Variants in ZFP14 observed in about 807,000 individuals in gnomAD.
The protein encoded by ZFP14 is ZFP14 zinc finger protein, also known as zinc finger protein 14 homolog.
In ZFP14, 22 loss-of-function variants were observed where a neutral mutation model predicts 54.5. The ratio of observed to expected loss-of-function variants is 0.40; its 90% CI spans 0.29 to 0.58. The LOEUF is 0.58. Among genes scored for constraint, ZFP14 ranks in the 20% least tolerant of loss-of-function variants. ZFP14 has a pLI of 0.39. For synonymous variants in ZFP14, 159 were observed against 204.0 expected, an observed-to-expected ratio of 0.78 and a Z score of 1.88; for missense variants, 470 against 637.8, an observed-to-expected ratio of 0.74 and a Z score of 2.83.
intron 2 of ZFP14, 21 bp downstream of exon 2, chr19:36,367,863 G>T (rs1361218762): frequency 1.2e-6 from 2 of 1,610,492 alleles, no homozygotes; most frequent in Non-Finnish European, 1.7e-6. Context: ...TTTCGAAAAG[G>T]ACAGAGAAAC....
chr19:36,373,388 G>C (rs374591363), intron 1 of ZFP14, among the ~76,000 whole-genome samples: 28 of 151,974 alleles, frequency 1.8e-4, no homozygotes, highest in African/African-American at 6.0e-4. Context: ...AGTTGGGGGT[G>C]GGGGGAAATG....
In ZFP14 at chr19:36,352,643, T is replaced by C. The variant is rs186043628; in HGVS notation, c.235+7792A>G. On this transcript the variant is annotated intron_variant, in intron 4 of 4. Coordinates refer to ENST00000270001, the MANE Select transcript of ZFP14 (RefSeq NM_020917.3). ...AGACACTGTCTCTACAAAAAATGCT[T>C]AAAAATTAGCCATGTGGGCTGGGCG... is the stretch of plus-strand genomic sequence containing the variant. Among the ~76,000 whole-genome samples, 23 of 141,702 alleles carry C rather than the reference T, an allele frequency of 1.6e-4. 4 individuals carry two copies. In the Admixed American group the frequency reaches 1.7e-3, roughly 10 times the overall value. 93.0% of individuals were successfully genotyped at this position (141,702 alleles called of 152,430 possible). A position where few individuals can be genotyped will look rare whatever the true frequency, so the allele number is the denominator to read the frequency against.
rs1239363151 is a variant in ZFP14 at position 36,335,116 on chromosome 19, T to G, written c.*5108A>C. 2.0e-5 allele frequency: 3 copies of G among 152,218 alleles called. No homozygotes were observed. The highest frequency in any genetic ancestry group is 7.2e-5 in the African/African-American group (3 of 41,454). 9.4% of individuals were successfully genotyped at this position (152,218 alleles called of 1,614,324 possible). On this transcript the variant is annotated 3_prime_UTR_variant, in exon 5 of 5. Transcript: ENST00000270001. ...CTCAAACTCCTGACCTCAAGTGATC[T>G]GCTCGCCTTGGCCTCCCAAAATGTT...
At chr19:36,349,233 A>G (rs2031474970) in intron 4 of ZFP14, among the ~76,000 whole-genome samples, 1 of 42,088 alleles carries the variant, frequency 2.4e-5, no homozygotes, top group Non-Finnish European at 4.4e-5. Context: ...CTCTGTCTCA[A>G]AAAAAAAAAC....
Position 36,340,770 on chromosome 19 carries a change from G to T in ZFP14, c.1056C>A (p.Cys352Ter). Residue 352 changes from cysteine (C) to a stop codon, truncating the protein, a stop_gained, in exon 5 of 5, where the codon TGC becomes TGA. Coordinates refer to ENST00000270001, the MANE Select transcript of ZFP14 (RefSeq NM_020917.3). LOFTEE classifies it high-confidence loss of function. This position sits in a 1 kb window ranked among gnomAD's most constrained non-coding sequence, Gnocchi z 5.4. Reference sequence around the variant, plus strand: ...TACTCTGATGAACAGTAAGTTGTTGGCATATTCTAAAAGCCTTTCCACACT... The same window carrying T: ...TACTCTGATGAACAGTAAGTTGTTGTCATATTCTAAAAGCCTTTCCACACT... ...CKECGKAFRI[C>*]QQLTVHQSIH... The T allele has an allele frequency of 6.2e-7, 1 of 1,613,614 alleles. No homozygotes were observed. The highest frequency in any genetic ancestry group is 8.5e-7 in the Non-Finnish European group (1 of 1,179,876).
intron 1 of ZFP14, among the ~76,000 whole-genome samples, chr19:36,377,262 A>G (rs1399513825): frequency 6.6e-6 from 1 of 152,162 alleles, no homozygotes; most frequent in African/African-American, 2.4e-5. Flanking sequence ...ATCACCATCG[A>G]ATGAAAGTTC....
chr19:36,369,137 C>T (rs1029587681), intron 1 of ZFP14, among the ~76,000 whole-genome samples: 8 of 152,122 alleles, frequency 5.3e-5, no homozygotes, highest in Non-Finnish European at 7.4e-5. Context: ...CCACCGTGCC[C>T]GGCCCCACTT....
chr19:36,348,145 G>C (rs569045758), intron 4 of ZFP14, among the ~76,000 whole-genome samples: 27 of 152,270 alleles, frequency 1.8e-4, no homozygotes, highest in Non-Finnish European at 3.1e-4. Flanking sequence ...ACATAGAATA[G>C]GCAAAGCCTA....
chr19:36,371,658 A>G (rs536430598), intron 1 of ZFP14, among the ~76,000 whole-genome samples: 3 of 152,180 alleles, frequency 2.0e-5, no homozygotes, highest in African/African-American at 7.2e-5. Context: ...ACAAGTAGAA[A>G]GCTTATTTAA....
chr19:36,362,762 T>C, intron 2 of ZFP14: 1 of 254,580 alleles, frequency 3.9e-6, no homozygotes, highest in African/African-American at 2.4e-5. Flanking sequence ...AAATATGAGG[T>C]CTTGGGCTCT....
intron 4 of ZFP14, among the ~76,000 whole-genome samples, chr19:36,343,737 C>T (rs2145541337): frequency 6.6e-6 from 1 of 152,212 alleles, no homozygotes; most frequent in South Asian, 2.1e-4. Context: ...CTGGTGAGAG[C>T]CTTCTTGCTG....
intron 4 of ZFP14, among the ~76,000 whole-genome samples, chr19:36,344,341 AT>A (rs1344728292): frequency 6.6e-6 from 1 of 151,948 alleles, no homozygotes. Flanking sequence ...ACTTTCTCCA[AT>A]TTTTGAATCA....
intron 4 of ZFP14, among the ~76,000 whole-genome samples, chr19:36,347,494 C>G (rs2031438847): frequency 6.6e-6 from 1 of 151,732 alleles, no homozygotes; most frequent in African/African-American, 2.4e-5. Flanking sequence ...CCTATAGTCC[C>G]AGTTACTCGG....
chr19:36,375,567 CTTT>C (rs139409068), intron 1 of ZFP14, among the ~76,000 whole-genome samples: 8 of 117,634 alleles, frequency 6.8e-5, no homozygotes, highest in Admixed American at 1.7e-4. Flanking sequence ...TTTGTATTTT[CTTT>C]TTTTTTTTTT....
Position 36,340,802 on chromosome 19 carries a change from A to C in ZFP14, c.1024T>G (p.Cys342Gly). 2 of 1,614,154 alleles carry C rather than the reference A, an allele frequency of 1.2e-6. No individual in the cohort carries two copies. The highest frequency in any genetic ancestry group is 2.2e-5 in the South Asian group (2 of 91,074). ...KIHFGEKPYE[C>G]KECGKAFRIC... The stretch of plus-strand genomic sequence containing the variant: ...CTAAAAGCCTTTCCACACTCCTTAC[A>C]TTCATAGGGTTTCTCACCAAAATGA... Residue 342 changes from cysteine (C) to glycine (G), a missense_variant, in exon 5 of 5, where the codon TGT becomes GGT. Transcript: ENST00000270001. This position sits in a 1 kb window ranked among gnomAD's most constrained non-coding sequence, Gnocchi z 5.4.
At chr19:36,368,026 G>T in intron 1 of ZFP14, 55 bp from the exon 2 acceptor site, 1 of 1,036,000 alleles carries the variant, frequency 9.7e-7, no homozygotes, top group Non-Finnish European at 1.4e-6. Context: ...CTCCCAAAAT[G>T]ATGTACATCA....
chr19:36,360,369 C>T (rs79809887), intron 4 of ZFP14, 66 bp downstream of exon 4: 52,621 of 1,434,586 alleles, frequency 0.037, 1,429 homozygotes, highest in South Asian at 0.12. Flanking sequence ...GGTGTGCCTC[C>T]ACCCTAATCA....
At position 36,337,737 on chromosome 19, in the gene ZFP14, A is replaced by G. The variant is rs1459100200; in HGVS notation, c.*2487T>C. On this transcript the variant is annotated 3_prime_UTR_variant, in exon 5 of 5. Transcript: ENST00000270001. ...TTGTAGATGGTGGTGTGGACTTCCT[A>G]TTGCATTACGTCAGGAAGTGTGTTG... The G allele has an allele frequency of 6.6e-6, 1 of 152,094 alleles. No homozygotes were observed. Among genetic ancestry groups the G allele is most frequent in the Non-Finnish European group, 1.5e-5 (1 of 68,032 alleles). 9.4% of individuals were successfully genotyped at this position (152,094 alleles called of 1,614,324 possible).
chr19:36,367,542 G>A (rs1430488708), intron 2 of ZFP14, among the ~76,000 whole-genome samples: 3 of 152,118 alleles, frequency 2.0e-5, no homozygotes, highest in Admixed American at 6.5e-5. Flanking sequence ...GTGCAGTAAC[G>A]CAATCTCGGC....
Sources: gnomAD v4.1 joint callset for allele counts (sites outside exome capture counted in the v4.1 genomes callset) on GRCh38, gnomAD v4.1.1 for gene constraint, Gnocchi (gnomAD v3.1) non-coding constraint, MANE v1.5 for transcripts, NCBI Gene and HGNC (gene_info 2026-07-23, HGNC 2026-07-21) for gene names.